Variants in CAMSAP2 observed in about 807,000 individuals in gnomAD.
The protein encoded by CAMSAP2 is calmodulin regulated spectrin associated protein family member 2.
A neutral mutation model predicts 146.1 loss-of-function variants in CAMSAP2; 26 were observed. That is an observed-to-expected ratio of 0.18 (90% CI 0.13 to 0.25). The LOEUF is 0.25. Ranked by LOEUF, CAMSAP2 falls within the 10% of genes least tolerant of loss-of-function variation. CAMSAP2 has a pLI of 1.00. For missense variants in CAMSAP2, 1,381 were observed against 1,759.3 expected (o/e 0.78, Z 3.85); for synonymous variants, 499 against 596.6 (o/e 0.84, Z 2.38).
rs1318000431 is a variant in CAMSAP2, at chr1:200,858,902, T to C, written c.*843T>C. The C allele has an allele frequency of 1.3e-5, 2 of 152,426 alleles. No homozygotes were observed. The highest frequency in any genetic ancestry group is 2.9e-5 in the Non-Finnish European group (2 of 67,916). The allele number at this position is 152,426 out of a possible 1,614,324, so 9.4% of individuals were successfully genotyped here. A position where few individuals can be genotyped will look rare whatever the true frequency, so the allele number is the denominator to read the frequency against. Reference sequence around the variant, plus strand: ...ATCTCTTTTAAAGTAAGTCACTTTATAAGTTGGCAGAAGTGAATGACACTT... The same window carrying C: ...ATCTCTTTTAAAGTAAGTCACTTTACAAGTTGGCAGAAGTGAATGACACTT... On this transcript the variant is annotated 3_prime_UTR_variant, in exon 17 of 17. Coordinates refer to ENST00000358823, the MANE Select transcript of CAMSAP2 (RefSeq NM_203459.4).
chr1:200,857,975 T>C lies in CAMSAP2; in HGVS notation c.4353T>C (p.Ser1451=). Residue 1451 remains serine, a synonymous_variant, in exon 17 of 17, where the codon AGT becomes AGC. Transcript: ENST00000358823. This position sits in a 1 kb window ranked among gnomAD's most constrained non-coding sequence, Gnocchi z 4.7. The stretch of plus-strand genomic sequence containing the variant: ...TACCCGCTAAAACTTTATCTGCCAG[T>C]GTTGATGCAATTACCATTCATAGCC... ...SHIPAKTLSA[S]VDAITIHSHL... is the part of the protein sequence containing the mutation. 6.2e-7 allele frequency: 1 copy of C among 1,613,818 alleles called. No homozygotes were observed. Among genetic ancestry groups the C allele is most frequent in the Non-Finnish European group, 8.5e-7 (1 of 1,179,804 alleles).
At chr1:200,766,037 A>G (rs1664940270) in intron 2 of CAMSAP2, among the ~76,000 whole-genome samples, 1 of 152,174 alleles carries the variant, frequency 6.6e-6, no homozygotes, top group Non-Finnish European at 1.5e-5. Context: ...ACTTGGAAGC[A>G]TTGCAAACTG....
intron 2 of CAMSAP2, among the ~76,000 whole-genome samples, chr1:200,799,360 G>C (rs1245871496): frequency 3.3e-5 from 5 of 152,062 alleles, no homozygotes; most frequent in Non-Finnish European, 7.4e-5. Context: ...CTTGTTATTG[G>C]TCTGTTCAGG....
At position 200,843,972 on chromosome 1, in the gene CAMSAP2, C is replaced by T. The variant is rs544543772; in HGVS notation, c.1022-810C>T. Reference sequence around the variant, plus strand: ...CTGCAGGCTCCATCTCCCAGGTTCACGCCATTCTCCTGCCTCAGCCTCCTG... The same window carrying T: ...CTGCAGGCTCCATCTCCCAGGTTCATGCCATTCTCCTGCCTCAGCCTCCTG... On this transcript the variant is annotated intron_variant, in intron 7 of 16. Transcript: ENST00000358823. 6.6e-5 allele frequency among the ~76,000 whole-genome samples: 10 copies of T among 151,982 alleles called. 1 individual carries two copies. The highest frequency in any genetic ancestry group is 6.8e-3 in the Middle Eastern group (2 of 294).
intron 1 of CAMSAP2, among the ~76,000 whole-genome samples, chr1:200,759,667 T>G (rs941837331): frequency 2.0e-5 from 3 of 152,186 alleles, no homozygotes; most frequent in Admixed American, 1.3e-4. Flanking sequence ...CTAAGATCAG[T>G]GATGGGATGG....
At position 200,857,559 on chromosome 1, in the gene CAMSAP2, A is replaced by T. The variant is rs1235156184; in HGVS notation, c.4131+135A>T. The T allele has an allele frequency of 1.6e-5, 13 of 789,630 alleles. No individual in the cohort carries two copies. Among genetic ancestry groups the T allele is most frequent in the Non-Finnish European group, 1.4e-5 (7 of 498,550 alleles). The allele number at this position is 789,630 out of a possible 1,614,324, so 48.9% of individuals were successfully genotyped here. On this transcript the variant is annotated intron_variant, in intron 16 of 16. Coordinates refer to ENST00000358823, the MANE Select transcript of CAMSAP2 (RefSeq NM_203459.4). The surrounding 1 kb of genome is among the most constrained non-coding windows in gnomAD (Gnocchi z 4.7). ...TGTAGCTAGATGTTTTAATTATCAG[A>T]TTTAGTTTATTTTCACATTAGGTTC...
chr1:200,791,744 T>C (rs1665758416), intron 2 of CAMSAP2, among the ~76,000 whole-genome samples: 1 of 152,182 alleles, frequency 6.6e-6, no homozygotes, highest in Non-Finnish European at 1.5e-5. Flanking sequence ...TGCGAGCTAG[T>C]TAGATATGTT....
chr1:200,833,567 GA>G (rs71135402), intron 6 of CAMSAP2, among the ~76,000 whole-genome samples: 19,653 of 146,332 alleles, frequency 0.13, 1,306 homozygotes, highest in East Asian at 0.18. Context: ...CTCAAAAAAA[GA>G]AAAAAAAAAG....
chr1:200,852,725 A>G (rs1050669771), intron 12 of CAMSAP2, 48 bp downstream of exon 12: 1 of 1,562,596 alleles, frequency 6.4e-7, no homozygotes, highest in Non-Finnish European at 8.6e-7. Flanking sequence ...TTAATGATGC[A>G]TGGGCATATT....
At chr1:200,774,950 G>A (rs1407712402) in intron 2 of CAMSAP2, among the ~76,000 whole-genome samples, 1 of 152,304 alleles carries the variant, frequency 6.6e-6, no homozygotes, top group East Asian at 1.9e-4. Flanking sequence ...GTAGTAATGA[G>A]AAGACAGACC....
intron 6 of CAMSAP2, among the ~76,000 whole-genome samples, chr1:200,838,775 G>C (rs1468250766): frequency 6.6e-6 from 1 of 152,202 alleles, no homozygotes; most frequent in Non-Finnish European, 1.5e-5. Flanking sequence ...GCAAGCCAAA[G>C]AAAAAGCTAT....
At chr1:200,831,776 G>T (rs971843384) in intron 4 of CAMSAP2, among the ~76,000 whole-genome samples, 1 of 151,296 alleles carries the variant, frequency 6.6e-6, no homozygotes, top group Non-Finnish European at 1.5e-5. Flanking sequence ...CCCTCATTTT[G>T]ATAACTCTTT....
chr1:200,844,988 T>C (rs569668091), intron 8 of CAMSAP2, 119 bp downstream of exon 8: 28 of 512,586 alleles, frequency 5.5e-5, no homozygotes, highest in Admixed American at 3.2e-4. Flanking sequence ...TGAACTGTTA[T>C]AATTAGCTTA....
intron 2 of CAMSAP2, among the ~76,000 whole-genome samples, chr1:200,772,726 T>G (rs1370930930): frequency 1.3e-5 from 2 of 152,184 alleles, no homozygotes; most frequent in African/African-American, 4.8e-5. Context: ...ACCATACCCA[T>G]GTTTTTCTTT....
chr1:200,828,275 G>A (rs1666953660), intron 4 of CAMSAP2, among the ~76,000 whole-genome samples: 1 of 152,010 alleles, frequency 6.6e-6, no homozygotes, highest in South Asian at 2.1e-4. Flanking sequence ...TATGACATAT[G>A]ATTCCAAAAC....
In CAMSAP2 at chr1:200,739,709, G is replaced by C. The variant is rs546929279; in HGVS notation, c.-119G>C. 4 of 979,604 alleles carry C rather than the reference G, an allele frequency of 4.1e-6. No homozygotes were observed. In the East Asian group the frequency reaches 9.6e-5, roughly 24 times the overall value. The allele number at this position is 979,604 out of a possible 1,614,324, so 60.7% of individuals were successfully genotyped here. A position where few individuals can be genotyped will look rare whatever the true frequency, so the allele number is the denominator to read the frequency against. On this transcript the variant is annotated 5_prime_UTR_variant, in exon 1 of 17. Transcript: ENST00000358823. The surrounding 1 kb of genome is among the most constrained non-coding windows in gnomAD (Gnocchi z 4.8). ...CTTCTCCTCCGTCGGCGCCCGGGCG[G>C]ACATCGCCCGGGCCCCGATGGTTTG...
rs752027474 is a variant in CAMSAP2, at chr1:200,848,373, A to G, written c.1604A>G (p.Asn535Ser). ...AGAATACTTCTTGACGAGTTTGGCA[A>G]TCAGATCGAGACACCAAGCATTGAA... ...QNRILLDEFG[N>S]QIETPSIEEA... Residue 535 changes from asparagine to serine, a missense_variant, in exon 11 of 17, where the codon AAT becomes AGT. This residue lies in a region of CAMSAP2 where 447 missense variants were observed against 462.2 expected (regional missense o/e 0.97). Transcript: ENST00000358823. 4 of 1,613,924 alleles carry G rather than the reference A, an allele frequency of 2.5e-6. No homozygotes were observed. Among genetic ancestry groups the G allele is most frequent in the Admixed American group, 3.3e-5 (2 of 59,996 alleles).
chr1:200,799,436 T>C (rs1190731810), intron 2 of CAMSAP2, among the ~76,000 whole-genome samples: 3 of 152,248 alleles, frequency 2.0e-5, no homozygotes, highest in African/African-American at 7.2e-5. Flanking sequence ...CCATTTCTTC[T>C]AGATTTTCTA....
intron 4 of CAMSAP2, among the ~76,000 whole-genome samples, chr1:200,830,101 A>G (rs1354374817): frequency 1.3e-5 from 2 of 152,252 alleles, no homozygotes; most frequent in Non-Finnish European, 1.5e-5. Flanking sequence ...TATAAAGCAA[A>G]TAGCATGTTC....
Sources: gnomAD v4.1 joint callset for allele counts (sites outside exome capture counted in the v4.1 genomes callset) on GRCh38, gnomAD v4.1.1 for gene constraint, gnomAD v4.1.1 regional missense constraint, Gnocchi (gnomAD v3.1) non-coding constraint, MANE v1.5 for transcripts, NCBI Gene and HGNC (gene_info 2026-07-23, HGNC 2026-07-21) for gene names.